The following CPB1 variants were observed in gnomAD, a reference collection of about 807,000 sequenced individuals.
CPB1 encodes carboxypeptidase B.
Under a neutral mutation model 51.4 loss-of-function variants are expected in CPB1, and 53 were observed. That is an observed-to-expected ratio of 1.03 (90% confidence interval 0.83 to 1.30). CPB1 has a LOEUF of 1.30. CPB1 is among the 50% of genes most tolerant of loss of function. CPB1 has a pLI of 0.00. For synonymous variants in CPB1, 189 were observed against 186.9 expected (o/e 1.01, Z -0.09); for missense variants, 494 against 516.2 (o/e 0.96, Z 0.42).
rs1366510207 is a variant in CPB1, at chr3:148,845,470, T to A, written c.825T>A (p.Pro275=). Residue 275 remains proline, a synonymous_variant, in exon 9 of 11, where the codon CCT becomes CCA. Coordinates refer to ENST00000282957, the MANE Select transcript of CPB1 (RefSeq NM_001871.3). ...CCTGTGATGAAACTTACTGTGGACC[T>A]GCCGCAGAGTCTGAAAAGGAGACCA... The part of the protein sequence containing the change: ...RNPCDETYCG[P]AAESEKETKA... The A allele has an allele frequency of 6.2e-7, 1 of 1,613,840 alleles. No homozygotes were observed. The highest frequency in any genetic ancestry group is 1.3e-5 in the African/African-American group (1 of 74,908).
Position 148,839,952 on chromosome 3 carries a change from A to G in CPB1, c.273-734A>G, listed in dbSNP as rs547161415. ...GTCACACACACATACACACACACAC[A>G]CACACCTTCAGACTGGCCTCATAAT... On this transcript the variant is annotated intron_variant, in intron 3 of 10. Transcript: ENST00000282957. 3.3e-5 allele frequency among the ~76,000 whole-genome samples: 5 copies of G among 152,244 alleles called. No homozygotes were observed. In the South Asian group the frequency reaches 1.0e-3, roughly 32 times the overall value.
rs1308520834 is a variant in CPB1 at position 148,860,031 on chromosome 3, A to T, written c.*29A>T. On this transcript the variant is annotated 3_prime_UTR_variant, in exon 11 of 11. Coordinates refer to ENST00000282957, the MANE Select transcript of CPB1 (RefSeq NM_001871.3). ...AGAAAGCTGATGGCCTTGTTTCAAA[A>T]TTCTCATTTTTCATTTCTTTTCTTT... is the stretch of plus-strand genomic sequence containing the variant. 1.3e-5 allele frequency: 20 copies of T among 1,576,968 alleles called. No homozygotes were observed. Among genetic ancestry groups the T allele is most frequent in the Non-Finnish European group, 1.7e-5 (20 of 1,158,742 alleles).
At position 148,855,625 on chromosome 3, in the gene CPB1, T is replaced by C. The variant is rs1200424614; in HGVS notation, c.982-1832T>C. ...ACAATCAATCAACACACGAGTCCAATAGATAATGACAATGACTATTAAATC... is the reference window on the plus strand; with the variant it reads ...ACAATCAATCAACACACGAGTCCAACAGATAATGACAATGACTATTAAATC... On this transcript the variant is annotated intron_variant, in intron 9 of 10. Transcript: ENST00000282957. 2.6e-5 allele frequency: 4 copies of C among 152,322 alleles called. No homozygotes were observed. In the East Asian group the frequency reaches 7.7e-4, roughly 29 times the overall value. 9.4% of individuals were successfully genotyped at this position (152,322 alleles called of 1,614,324 possible).
At chr3:148,846,790 TGC>T (rs1192989208) in intron 9 of CPB1, among the ~76,000 whole-genome samples, 6,075 of 54,760 alleles carry the variant, frequency 0.11, 701 homozygotes, top group African/African-American at 0.16. Context: ...TATGTGTGTG[TGC>T]GTGTGTATAT....
intron 2 of CPB1, among the ~76,000 whole-genome samples, chr3:148,831,161 G>T (rs769034952): frequency 2.0e-5 from 3 of 152,108 alleles, no homozygotes; most frequent in Non-Finnish European, 2.9e-5. Flanking sequence ...CACAATCAGG[G>T]TTGTGCTTGT....
intron 9 of CPB1, chr3:148,855,301 A>G (rs182426756): frequency 6.6e-6 from 1 of 152,330 alleles, no homozygotes; most frequent in East Asian, 1.9e-4. Flanking sequence ...GAATAAAATA[A>G]CAACCTTTTT....
chr3:148,829,555 T>C (rs554553878), intron 2 of CPB1, among the ~76,000 whole-genome samples: 2 of 152,328 alleles, frequency 1.3e-5, no homozygotes, highest in East Asian at 3.9e-4. Flanking sequence ...AAATGTAGGA[T>C]TTTAGATTTA....
chr3:148,828,434 A>G (rs917816547), intron 2 of CPB1, among the ~76,000 whole-genome samples: 3 of 152,202 alleles, frequency 2.0e-5, no homozygotes, highest in African/African-American at 7.2e-5. Flanking sequence ...CTTTTGTCCA[A>G]CTTCAAATTC....
intron 9 of CPB1, among the ~76,000 whole-genome samples, chr3:148,846,946 C>G (rs1713276549): frequency 6.8e-6 from 1 of 148,044 alleles, no homozygotes; most frequent in Non-Finnish European, 1.5e-5. Flanking sequence ...GTGGTTGGCT[C>G]TCATTTCTGT....
chr3:148,839,671 G>A (rs1404827746), intron 3 of CPB1, among the ~76,000 whole-genome samples: 1 of 152,178 alleles, frequency 6.6e-6, no homozygotes, highest in Non-Finnish European at 1.5e-5. Context: ...CCAGGAGGAA[G>A]GTTCAGAGGA....
chr3:148,840,981 C>T lies in CPB1; in HGVS notation c.474+6C>T, dbSNP rs778663449. ...GCGCTATTTACCTCCTGAAGGTAATCATTTTTAACCATGACCTTGCCATGT... is the reference window on the plus strand; with the variant it reads ...GCGCTATTTACCTCCTGAAGGTAATTATTTTTAACCATGACCTTGCCATGT... On this transcript the variant is annotated splice_donor_region_variant and intron_variant, in intron 5 of 10. Transcript: ENST00000282957. 2.5e-6 allele frequency: 4 copies of T among 1,607,640 alleles called. No individual in the cohort carries two copies. Among genetic ancestry groups the T allele is most frequent in the Admixed American group, 3.3e-5 (2 of 59,952 alleles).
intron 2 of CPB1, among the ~76,000 whole-genome samples, chr3:148,831,383 A>C (rs1002659822): frequency 6.6e-6 from 1 of 152,216 alleles, no homozygotes; most frequent in Non-Finnish European, 1.5e-5. Context: ...CTTTTCCAAC[A>C]AAAAAGGAAA....
chr3:148,857,503 G>A lies in CPB1; in HGVS notation c.1028G>A (p.Gly343Asp), dbSNP rs1389166755. The change falls in exon 10 of 11, where the codon GGC becomes GAC. Residue 343 changes from glycine (G) to aspartate (D), a missense_variant. Gly to Asp is a moderately conservative substitution (Grantham distance 94). Coordinates refer to ENST00000282957, the MANE Select transcript of CPB1 (RefSeq NM_001871.3). ...ATVKELASLH[G>D]TKYTYGPGAT... is the part of the protein sequence containing the mutation. ...GTGAAAGAACTTGCCTCACTGCACGGCACCAAGTACACATATGGCCCGGGA... is the reference window on the plus strand; with the variant it reads ...GTGAAAGAACTTGCCTCACTGCACGACACCAAGTACACATATGGCCCGGGA... 2 of 1,613,838 alleles carry A rather than the reference G, an allele frequency of 1.2e-6. No individual in the cohort carries two copies. Among genetic ancestry groups the A allele is most frequent in the South Asian group, 1.1e-5 (1 of 91,068 alleles).
intron 9 of CPB1, chr3:148,856,625 G>A (rs1713573508): frequency 6.6e-6 from 1 of 152,154 alleles, no homozygotes; most frequent in Non-Finnish European, 1.5e-5. Flanking sequence ...GCTGAGCCAG[G>A]CCTTGCTTCT....
intron 6 of CPB1, among the ~76,000 whole-genome samples, chr3:148,843,611 C>A (rs184961058): frequency 2.5e-4 from 38 of 152,054 alleles, no homozygotes; most frequent in Admixed American, 6.6e-4. Context: ...AAAGCACATG[C>A]TTTATCATGT....
At chr3:148,850,022 C>T (rs369544798) in intron 9 of CPB1, among the ~76,000 whole-genome samples, 2 of 152,208 alleles carry the variant, frequency 1.3e-5, no homozygotes, top group African/African-American at 4.8e-5. Flanking sequence ...ATCATAATTA[C>T]CTCTGCCTCT....
intron 2 of CPB1, among the ~76,000 whole-genome samples, chr3:148,830,261 T>C (rs762491591): frequency 6.6e-5 from 10 of 152,182 alleles, no homozygotes; most frequent in Non-Finnish European, 1.2e-4. Flanking sequence ...CGAGCTCTGA[T>C]TCTTCCAAGA....
At chr3:148,852,695 C>T (rs1486748591) in intron 9 of CPB1, among the ~76,000 whole-genome samples, 1 of 152,216 alleles carries the variant, frequency 6.6e-6, no homozygotes, top group African/African-American at 2.4e-5. Flanking sequence ...TAAATACATT[C>T]TCTAGACTTT....
At chr3:148,853,180 T>A (rs1053816172) in intron 9 of CPB1, among the ~76,000 whole-genome samples, 2 of 152,040 alleles carry the variant, frequency 1.3e-5, no homozygotes, top group Admixed American at 1.3e-4. Context: ...CTACAGAAAA[T>A]TTTCTTTAAA....
Sources: allele counts gnomAD v4.1 joint callset (sites outside exome capture counted in the v4.1 genomes callset), GRCh38; gene constraint gnomAD v4.1.1; transcripts MANE v1.5; gene names NCBI Gene and HGNC (gene_info 2026-07-23, HGNC 2026-07-21).